The following IQGAP1 variants were observed in gnomAD, a reference collection of about 807,000 sequenced individuals.
IQGAP1 encodes ras GTPase-activating-like protein IQGAP1.
A neutral mutation model predicts 215.6 loss-of-function variants in IQGAP1; 66 were observed. The ratio of observed to expected loss-of-function variants is 0.31; its 90% confidence interval spans 0.25 to 0.38. IQGAP1 has a LOEUF of 0.38. Among genes scored for constraint, IQGAP1 ranks in the 10% least tolerant of loss-of-function variants. The probability of loss-of-function intolerance (pLI) is 1.00; values close to 1 mark genes in which losing one functional copy is unlikely to be tolerated. For synonymous variants in IQGAP1, 772 were observed against 728.7 expected (o/e 1.06, Z -0.96); for missense variants, 1,712 against 1,997.1 (o/e 0.86, Z 2.72).
intron 15 of IQGAP1, among the ~76,000 whole-genome samples, chr15:90,458,514 A>G (rs1260588313): frequency 1.3e-5 from 2 of 152,178 alleles, no homozygotes; most frequent in East Asian, 3.8e-4. Context: ...AGCAGCAAAA[A>G]CAAACATTAC....
intron 37 of IQGAP1, among the ~76,000 whole-genome samples, chr15:90,499,673 C>T (rs1271098898): frequency 2.0e-5 from 3 of 152,170 alleles, no homozygotes; most frequent in South Asian, 2.1e-4. Flanking sequence ...AAATAAAAAG[C>T]TTAGATGTGT....
intron 4 of IQGAP1, among the ~76,000 whole-genome samples, chr15:90,431,000 C>CAATATATAATTACATATTGT (rs1474365621): frequency 6.8e-6 from 1 of 146,106 alleles, no homozygotes; most frequent in Non-Finnish European, 1.5e-5. Context: ...ATATAATATA[C>CAATATATAATTACATATTGT]AATATATAAT....
chr15:90,434,254 T>G (rs1300045932), intron 5 of IQGAP1, among the ~76,000 whole-genome samples: 6 of 152,188 alleles, frequency 3.9e-5, no homozygotes, highest in African/African-American at 1.4e-4. Context: ...CTGGCCAACA[T>G]AGTGAAACCC....
intron 2 of IQGAP1, among the ~76,000 whole-genome samples, chr15:90,394,061 G>A (rs929226491): frequency 6.7e-6 from 1 of 149,260 alleles, no homozygotes; most frequent in Non-Finnish European, 1.5e-5. Context: ...CTTGAACCCG[G>A]GAGGCAGAGC....
intron 18 of IQGAP1, among the ~76,000 whole-genome samples, chr15:90,472,344 T>A (rs1965917491): frequency 6.6e-6 from 1 of 152,208 alleles, no homozygotes; most frequent in Non-Finnish European, 1.5e-5. Context: ...GTCCAGTATC[T>A]TTAGTAACAG....
intron 15 of IQGAP1, among the ~76,000 whole-genome samples, chr15:90,462,737 C>T (rs1055590279): frequency 1.3e-5 from 2 of 152,144 alleles, no homozygotes; most frequent in Admixed American, 6.6e-5. Context: ...TTCACCTCTT[C>T]TACCTCCAAT....
At position 90,429,501 on chromosome 15, in the gene IQGAP1, C is replaced by A. The variant is rs1267556444; in HGVS notation, c.313-88C>A. 1.2e-5 allele frequency: 12 copies of A among 998,896 alleles called. No individual in the cohort carries two copies. In the South Asian group the frequency reaches 1.7e-4, roughly 14 times the overall value. 61.9% of individuals were successfully genotyped at this position (998,896 alleles called of 1,614,324 possible). ...CAAAATTAAGGAAAATTTGTCAAATCTCTTGAGGAAACTTTTGCGAAGAGA... is the reference window on the plus strand; with the variant it reads ...CAAAATTAAGGAAAATTTGTCAAATATCTTGAGGAAACTTTTGCGAAGAGA... On this transcript the variant is annotated intron_variant, in intron 3 of 37. Transcript: ENST00000268182.
At chr15:90,438,074 C>T (rs568367827) in intron 5 of IQGAP1, among the ~76,000 whole-genome samples, 188 of 152,148 alleles carry the variant, frequency 1.2e-3, no homozygotes, top group African/African-American at 4.5e-3. Flanking sequence ...AAATTTTGAT[C>T]AGTTCTGTGA....
chr15:90,486,725 T>C lies in IQGAP1; in HGVS notation c.4025-229T>C, dbSNP rs141105220. The stretch of plus-strand genomic sequence containing the variant: ...AATGTTTTCAGAGAGAATTGTGATA[T>C]TGTAGTGTTGAAATGATTTCTCAAA... On this transcript the variant is annotated intron_variant, in intron 31 of 37. Transcript: ENST00000268182. 1,462 of 507,830 alleles carry C rather than the reference T, an allele frequency of 2.9e-3. 14 individuals are homozygous for C. Among genetic ancestry groups the C allele is most frequent in the African/African-American group, 0.026 (1,329 of 50,986 alleles). The allele number at this position is 507,830 out of a possible 1,614,324, so 31.5% of individuals were successfully genotyped here.
intron 30 of IQGAP1, among the ~76,000 whole-genome samples, chr15:90,485,357 T>C (rs77327012): frequency 0.011 from 1,658 of 152,340 alleles, 29 homozygotes; most frequent in African/African-American, 0.038. Context: ...ACGTGACTTA[T>C]TTGAACTGGC....
chr15:90,439,928 T>G (rs934892974), intron 6 of IQGAP1, among the ~76,000 whole-genome samples: 3 of 152,196 alleles, frequency 2.0e-5, no homozygotes, highest in Non-Finnish European at 2.9e-5. Flanking sequence ...TAATACTGTT[T>G]AAGGGTAAGA....
intron 34 of IQGAP1, 124 bp from the exon 35 acceptor site, chr15:90,492,421 A>T: frequency 4.1e-5 from 10 of 242,790 alleles, no homozygotes; most frequent in Admixed American, 7.0e-5. Flanking sequence ...AGAGTGTCTA[A>T]AAAAAAAAAA....
chr15:90,464,686 T>TA (rs1965806387), intron 15 of IQGAP1, among the ~76,000 whole-genome samples: 2 of 151,712 alleles, frequency 1.3e-5, no homozygotes, highest in African/African-American at 2.4e-5. Context: ...CCGTCTCTAC[T>TA]AAAAAAATAC....
chr15:90,495,375 TA>T (rs948113815), intron 36 of IQGAP1, among the ~76,000 whole-genome samples: 96 of 146,082 alleles, frequency 6.6e-4, no homozygotes, highest in African/African-American at 2.3e-3. Flanking sequence ...TTTGTCTGTT[TA>T]GGGGGGGAAA....
Position 90,402,767 on chromosome 15 carries a change from A to G in IQGAP1, c.155+11894A>G, listed in dbSNP as rs529767685. ...AGAGGGAGTGGGGGCAAAATTAGAAAAGGAAAAGTTGAAAAGAAGAGAAAA... is the reference window on the plus strand; with the variant it reads ...AGAGGGAGTGGGGGCAAAATTAGAAGAGGAAAAGTTGAAAAGAAGAGAAAA... On this transcript the variant is annotated intron_variant, in intron 2 of 37. Coordinates refer to ENST00000268182, the MANE Select transcript of IQGAP1 (RefSeq NM_003870.4). Among the ~76,000 whole-genome samples the G allele has an allele frequency of 1.6e-3, 245 of 152,316 alleles. 1 individual carries two copies. The highest frequency in any genetic ancestry group is 0.01 in the Middle Eastern group (3 of 294).
chr15:90,408,284 T>C (rs10520688), intron 2 of IQGAP1, among the ~76,000 whole-genome samples: 24,003 of 152,090 alleles, frequency 0.16, 2,199 homozygotes, highest in African/African-American at 0.25. Flanking sequence ...TTCAGTGTTA[T>C]GGTGATAAGA....
At position 90,390,807 on chromosome 15, in the gene IQGAP1, A is replaced by G; in HGVS notation, c.89A>G (p.Glu30Gly). 5.0e-6 allele frequency: 8 copies of G among 1,612,932 alleles called. No homozygotes were observed. The highest frequency in any genetic ancestry group is 1.1e-5 in the South Asian group (1 of 91,058). The change falls in exon 2 of 38, where the codon GAG (glutamate) becomes GGG (glycine). Residue 30 changes from glutamate (E) to glycine (G), a missense_variant. This residue lies in a region of IQGAP1 where 1,021 missense variants were observed against 1,074.2 expected (regional missense o/e 0.95). Coordinates refer to ENST00000268182, the MANE Select transcript of IQGAP1 (RefSeq NM_003870.4). ...VLDNERLTAE[E>G]MDERRRQNVA... The stretch of plus-strand genomic sequence containing the variant: ...GATAATGAAAGACTTACTGCAGAGG[A>G]GATGGATGAAAGGAGACGTCAGAAC...
chr15:90,392,991 C>T (rs943335073), intron 2 of IQGAP1, among the ~76,000 whole-genome samples: 9 of 151,774 alleles, frequency 5.9e-5, no homozygotes, highest in African/African-American at 1.9e-4. Context: ...GTGATCCGCC[C>T]GTCTCAGCCT....
Position 90,436,150 on chromosome 15 carries a change from G to T in IQGAP1, c.467+2355G>T, listed in dbSNP as rs112953921. Among the ~76,000 whole-genome samples the T allele has an allele frequency of 2.0e-5, 3 of 149,996 alleles. 1 individual carries two copies. Among genetic ancestry groups the T allele is most frequent in the African/African-American group, 7.4e-5 (3 of 40,556 alleles). ...TTAATCATACTAAATTACTTTTGTA[G>T]ATAACATTCCACTCTCAGATAAGAC... On this transcript the variant is annotated intron_variant, in intron 5 of 37. Transcript: ENST00000268182.
Sources: gnomAD v4.1 joint callset for allele counts (sites outside exome capture counted in the v4.1 genomes callset) on GRCh38, gnomAD v4.1.1 for gene constraint, gnomAD v4.1.1 regional missense constraint, MANE v1.5 for transcripts, NCBI Gene and HGNC (gene_info 2026-07-23, HGNC 2026-07-21) for gene names.